Variants in CORO2B observed in about 807,000 individuals in gnomAD.
CORO2B encodes the protein coronin-2B.
CORO2B carries 26 observed loss-of-function variants against 58.8 expected under a neutral mutation model. The ratio of observed to expected loss-of-function variants is 0.44; its 90% CI spans 0.32 to 0.61. CORO2B has a LOEUF of 0.61. Ranked by LOEUF, CORO2B falls within the 20% of genes least tolerant of loss-of-function variation. CORO2B has a pLI of 0.04. For missense variants in CORO2B, 460 were observed against 645.1 expected (o/e 0.71, Z 3.11); for synonymous variants, 242 against 253.8 (o/e 0.95, Z 0.44).
Position 68,710,960 on chromosome 15 carries a change from GT to G in CORO2B, c.483+81del. On this transcript the variant is annotated intron_variant, in intron 4 of 11. Coordinates refer to ENST00000261861, the MANE Select transcript of CORO2B (RefSeq NM_006091.5). This position sits in a 1 kb window ranked among gnomAD's most constrained non-coding sequence, Gnocchi z 4.1. The stretch of plus-strand genomic sequence containing the variant: ...CTTTTGGGTACCCGTAGGAAGCACT[GT>G]TGCTTCCTAAGCAACCAATATGGCC... The G allele has an allele frequency of 2.1e-6, 3 of 1,421,794 alleles. No homozygotes were observed. Among genetic ancestry groups the G allele is most frequent in the East Asian group, 2.4e-5 (1 of 40,964 alleles). The allele number at this position is 1,421,794 out of a possible 1,614,324, so 88.1% of individuals were successfully genotyped here. A position where few individuals can be genotyped will look rare whatever the true frequency, so the allele number is the denominator to read the frequency against.
chr15:68,685,661 C>T (rs1319925337), intron 2 of CORO2B, among the ~76,000 whole-genome samples: 2 of 152,228 alleles, frequency 1.3e-5, no homozygotes, highest in Admixed American at 1.3e-4. Context: ...TAGTGGTTCC[C>T]AGTCTTTGCT....
intron 1 of CORO2B, among the ~76,000 whole-genome samples, chr15:68,609,913 C>T (rs1014912089): frequency 2.0e-5 from 3 of 152,124 alleles, no homozygotes; most frequent in Non-Finnish European, 4.4e-5. Context: ...ACCTGGAATC[C>T]GCATGAATCA....
At chr15:68,600,408 C>T (rs1051804886) in intron 1 of CORO2B, among the ~76,000 whole-genome samples, 1 of 152,244 alleles carries the variant, frequency 6.6e-6, no homozygotes, top group South Asian at 2.1e-4. Flanking sequence ...TCCCTGAGTA[C>T]ACACTATGCT....
At chr15:68,676,242 C>T (rs1422002018) in intron 2 of CORO2B, among the ~76,000 whole-genome samples, 2 of 152,204 alleles carry the variant, frequency 1.3e-5, no homozygotes, top group African/African-American at 4.8e-5. Flanking sequence ...TGTGTGCTGG[C>T]AGTGGCCCAC....
chr15:68,560,941 C>G, the CORO2B span, among the ~76,000 whole-genome samples: 5,187 of 152,288 alleles, frequency 0.034, 127 homozygotes, highest in Non-Finnish European at 0.051. Flanking sequence ...TCCCATGGCA[C>G]AGCCCGGGTA....
At chr15:68,709,780 A>G (rs1892872369) in intron 3 of CORO2B, among the ~76,000 whole-genome samples, 1 of 152,142 alleles carries the variant, frequency 6.6e-6, no homozygotes. Context: ...TAATAATAAC[A>G]ATTATAATTC....
chr15:68,705,850 C>G (rs1892771922), intron 3 of CORO2B, among the ~76,000 whole-genome samples: 1 of 152,148 alleles, frequency 6.6e-6, no homozygotes, highest in African/African-American at 2.4e-5. Flanking sequence ...CTAACAGGTA[C>G]AGTCTCTATT....
intron 1 of CORO2B, chr15:68,632,003 C>T (rs1489132290): frequency 3.0e-6 from 3 of 985,442 alleles, no homozygotes; most frequent in Middle Eastern, 5.2e-4. Flanking sequence ...TTCTGTTGAC[C>T]TTTAGTAATG....
At chr15:68,597,623 C>CG (rs1471905850) in intron 1 of CORO2B, among the ~76,000 whole-genome samples, 1 of 143,242 alleles carries the variant, frequency 7.0e-6, no homozygotes, top group Non-Finnish European at 1.5e-5. Flanking sequence ...TGTTTCCCCC[C>CG]CATCAAAAAA....
intron 2 of CORO2B, among the ~76,000 whole-genome samples, chr15:68,665,362 C>T (rs555722508): frequency 2.0e-5 from 3 of 152,156 alleles, no homozygotes; most frequent in East Asian, 3.9e-4. Flanking sequence ...TGTACCAGTA[C>T]CACAATGCTG....
At chr15:68,714,716 C>T in intron 7 of CORO2B, 53 bp downstream of exon 7, 1 of 1,342,120 alleles carries the variant, frequency 7.5e-7, no homozygotes, top group African/African-American at 1.4e-5. Flanking sequence ...GCCCTACCCT[C>T]AATGCACCCC....
intron 2 of CORO2B, among the ~76,000 whole-genome samples, chr15:68,680,119 G>A (rs993418875): frequency 2.0e-5 from 3 of 151,650 alleles, no homozygotes; most frequent in African/African-American, 7.3e-5. Context: ...TAAGAGGCAA[G>A]GCAGAGTGGC....
At chr15:68,714,063 T>A in intron 6 of CORO2B, 22 bp downstream of exon 6, 1 of 1,550,608 alleles carries the variant, frequency 6.4e-7, no homozygotes, top group Non-Finnish European at 8.9e-7. Flanking sequence ...GGAGGCCTGC[T>A]GGGTTTGGGC....
chr15:68,718,416 C>G (rs1893081571), intron 8 of CORO2B, among the ~76,000 whole-genome samples: 1 of 152,144 alleles, frequency 6.6e-6, no homozygotes, highest in Non-Finnish European at 1.5e-5. Flanking sequence ...AAGGAGTGGG[C>G]TAGATTCAAA....
chr15:68,662,787 A>G (rs1320505411), intron 2 of CORO2B, among the ~76,000 whole-genome samples: 1 of 152,240 alleles, frequency 6.6e-6, no homozygotes, highest in African/African-American at 2.4e-5. Context: ...TGCAAATGAC[A>G]CCATGTATGA....
the CORO2B span, among the ~76,000 whole-genome samples, chr15:68,537,769 G>A: frequency 2.7e-4 from 41 of 152,256 alleles, no homozygotes; most frequent in African/African-American, 9.4e-4. Flanking sequence ...CTTGGAACAC[G>A]GCCTTGTTTA....
At chr15:68,719,044 A>T (rs1179434737) in intron 9 of CORO2B, 100 bp from the exon 10 acceptor site, 14 of 998,022 alleles carry the variant, frequency 1.4e-5, no homozygotes, top group Non-Finnish European at 2.1e-5. Flanking sequence ...GCAGGAGAGC[A>T]GGTAGAGTGA....
At position 68,582,941 on chromosome 15, in the gene CORO2B, A is replaced by G. The variant is rs144349337; in HGVS notation, c.15+3664A>G. ...GGTCCAGGAGCAAAGTACCCTGAGC[A>G]GCACAATTGCCTGCTGCACCTTAGA... On this transcript the variant is annotated intron_variant, in intron 1 of 11. Coordinates refer to ENST00000261861, the MANE Select transcript of CORO2B (RefSeq NM_006091.5). 4.7e-3 allele frequency among the ~76,000 whole-genome samples: 713 copies of G among 152,348 alleles called. 6 individuals carry two copies. The highest frequency in any genetic ancestry group is 0.015 in the African/African-American group (643 of 41,582).
chr15:68,545,607 GGGGGC>G, the CORO2B span, among the ~76,000 whole-genome samples: 16 of 124,272 alleles, frequency 1.3e-4, no homozygotes, highest in African/African-American at 2.7e-4. Flanking sequence ...CAGGAATGCG[GGGGGC>G]GGGGGGGGTA....
Sources: gnomAD v4.1 joint callset for allele counts (sites outside exome capture counted in the v4.1 genomes callset) on GRCh38, gnomAD v4.1.1 for gene constraint, Gnocchi (gnomAD v3.1) non-coding constraint, MANE v1.5 for transcripts, NCBI Gene and HGNC (gene_info 2026-07-23, HGNC 2026-07-21) for gene names.